ARFGEF1: variants seen among roughly 807,000 people sequenced by gnomAD.
ARFGEF1 encodes the protein ARF guanine nucleotide exchange factor 1.
ARFGEF1 carries 42 observed loss-of-function variants against 231.0 expected under a neutral mutation model. The observed-to-expected ratio is 0.18, with a 90% confidence interval of 0.14 to 0.24. The LOEUF is 0.24. Ranked by LOEUF, ARFGEF1 falls within the 10% of genes least tolerant of loss-of-function variation. ARFGEF1 has a pLI of 1.00. For synonymous variants in ARFGEF1, 710 were observed against 732.3 expected (o/e 0.97, Z 0.49); for missense variants, 1,345 against 2,192.0 (o/e 0.61, Z 7.72).
At position 67,321,605 on chromosome 8, in the gene ARFGEF1, C is replaced by T. The variant is rs558554938; in HGVS notation, c.125-19139G>A. On this transcript the variant is annotated intron_variant, in intron 1 of 38. Transcript: ENST00000262215. ...CCTCCCGAGTAGCTGGGAGTACAGG[C>T]ACCCGCCACCACGCCCGGCTATTTT... 2.1e-3 allele frequency among the ~76,000 whole-genome samples: 323 copies of T among 152,230 alleles called. 1 individual carries two copies. Among genetic ancestry groups the T allele is most frequent in the African/African-American group, 7.3e-3 (303 of 41,536 alleles).
In ARFGEF1 at chr8:67,275,879, A is replaced by G. The variant is rs1805292959; in HGVS notation, c.1337+97T>C. The G allele has an allele frequency of 5.4e-6, 8 of 1,475,896 alleles. No homozygotes were observed. In the Middle Eastern group the frequency reaches 5.9e-4, roughly 108 times the overall value. 91.4% of individuals were successfully genotyped at this position (1,475,896 alleles called of 1,614,324 possible). The stretch of plus-strand genomic sequence containing the variant: ...ACCCAATTTTTTTTTATGGTTCTAT[A>G]GGACAAAAAGAACAAAAGAAAATCC... On this transcript the variant is annotated intron_variant, in intron 9 of 38. Coordinates refer to ENST00000262215, the MANE Select transcript of ARFGEF1 (RefSeq NM_006421.5).
At chr8:67,334,664 C>A (rs1242005380) in intron 1 of ARFGEF1, among the ~76,000 whole-genome samples, 1 of 152,158 alleles carries the variant, frequency 6.6e-6, no homozygotes, top group Non-Finnish European at 1.5e-5. Context: ...CCCAAATATC[C>A]ATCAACTGGT....
intron 28 of ARFGEF1, among the ~76,000 whole-genome samples, chr8:67,225,789 G>C (rs2128871023): frequency 6.6e-6 from 1 of 152,188 alleles, no homozygotes; most frequent in South Asian, 2.1e-4. Flanking sequence ...AAAGCCATTA[G>C]AAGATTAAAC....
chr8:67,292,015 G>C lies in ARFGEF1; in HGVS notation c.748C>G (p.Pro250Ala), dbSNP rs770710364. The C allele has an allele frequency of 4.3e-6, 7 of 1,613,854 alleles. No homozygotes were observed. The East Asian group carries it at 1.3e-4, about 31-fold the overall frequency. ...GATATATGATCAACAGTCTGAGGTGGCAAATATCTAAGTTGAGGTGATTCA... is the reference window on the plus strand; with the variant it reads ...GATATATGATCAACAGTCTGAGGTGCCAAATATCTAAGTTGAGGTGATTCA... ...EPESPQLRYL[P>A]PQTVDHISQE... Residue 250 changes from proline to alanine, a missense_variant, in exon 6 of 39, where the codon CCA (proline) becomes GCA (alanine). Around this residue, in one of 14 missense-constraint regions of ARFGEF1, gnomAD observed 398 missense variants for 463.2 expected, o/e 0.86. Coordinates refer to ENST00000262215, the MANE Select transcript of ARFGEF1 (RefSeq NM_006421.5).
intron 24 of ARFGEF1, 40 bp downstream of exon 24, chr8:67,228,184 C>T (rs759676677): frequency 1.9e-6 from 3 of 1,608,066 alleles, no homozygotes; most frequent in East Asian, 2.2e-5. Context: ...TTATTTTAGC[C>T]CCAAGCCAGT....
chr8:67,255,714 G>A (rs1191947594), intron 17 of ARFGEF1, among the ~76,000 whole-genome samples: 1 of 152,196 alleles, frequency 6.6e-6, no homozygotes, highest in African/African-American at 2.4e-5. Context: ...TACAGCTGCA[G>A]GCTGCATAGC....
chr8:67,279,856 T>C (rs1400890213), intron 7 of ARFGEF1, among the ~76,000 whole-genome samples: 3 of 152,196 alleles, frequency 2.0e-5, no homozygotes, highest in Admixed American at 6.5e-5. Flanking sequence ...AAGCACTTAA[T>C]ACAGTTAGTA....
intron 17 of ARFGEF1, 144 bp from the exon 18 acceptor site, chr8:67,253,766 A>C (rs1194279625): frequency 4.3e-6 from 2 of 465,768 alleles, no homozygotes; most frequent in Non-Finnish European, 3.6e-6. Flanking sequence ...TATAGATAAA[A>C]ATGAAAAAAA....
intron 1 of ARFGEF1, among the ~76,000 whole-genome samples, chr8:67,316,312 A>G (rs1284582515): frequency 6.6e-6 from 1 of 152,210 alleles, no homozygotes; most frequent in Non-Finnish European, 1.5e-5. Flanking sequence ...ATCTTGGACC[A>G]GATGGTTTCA....
intron 7 of ARFGEF1, among the ~76,000 whole-genome samples, chr8:67,284,322 C>T (rs963517610): frequency 2.0e-5 from 3 of 151,994 alleles, no homozygotes; most frequent in South Asian, 2.1e-4. Context: ...ACGCACAACC[C>T]CCTAACCCCC....
intron 6 of ARFGEF1, among the ~76,000 whole-genome samples, chr8:67,288,622 A>T (rs564062145): frequency 8.7e-4 from 132 of 152,036 alleles, no homozygotes; most frequent in Non-Finnish European, 1.6e-3. Flanking sequence ...AATCCCAGCT[A>T]CTCGGGAGGC....
intron 1 of ARFGEF1, among the ~76,000 whole-genome samples, chr8:67,342,057 G>A (rs888812583): frequency 2.0e-5 from 3 of 152,042 alleles, no homozygotes; most frequent in Non-Finnish European, 4.4e-5. Context: ...CTTAACTCTA[G>A]CATACTTTAA....
chr8:67,208,328 C>T (rs1181267920), intron 34 of ARFGEF1, among the ~76,000 whole-genome samples: 1 of 152,078 alleles, frequency 6.6e-6, no homozygotes, highest in Non-Finnish European at 1.5e-5. Flanking sequence ...AATCAAAGAG[C>T]TAGAAGAATA....
chr8:67,232,200 G>A (rs188229547), intron 23 of ARFGEF1, among the ~76,000 whole-genome samples: 1 of 151,966 alleles, frequency 6.6e-6, no homozygotes, highest in African/African-American at 2.4e-5. Context: ...GTAGGGGGTG[G>A]GAGGAAGAAA....
At chr8:67,275,702 A>G (rs940587127) in intron 9 of ARFGEF1, among the ~76,000 whole-genome samples, 9 of 152,278 alleles carry the variant, frequency 5.9e-5, no homozygotes, top group South Asian at 2.1e-4. Context: ...AGGAAATAGC[A>G]TAAGTTATCT....
chr8:67,201,936 G>A (rs951426534), intron 36 of ARFGEF1: 1 of 308,082 alleles, frequency 3.2e-6, no homozygotes, highest in Non-Finnish European at 6.1e-6. Flanking sequence ...CCCAGGAGGT[G>A]AGAACTGCTC....
At chr8:67,263,148 T>C (rs1294991152) in intron 14 of ARFGEF1, among the ~76,000 whole-genome samples, 1 of 152,136 alleles carries the variant, frequency 6.6e-6, no homozygotes, top group Non-Finnish European at 1.5e-5. Context: ...ATTTTTAGAG[T>C]CTATTTCCTC....
chr8:67,311,424 A>G (rs1414080873), intron 1 of ARFGEF1, among the ~76,000 whole-genome samples: 4 of 103,770 alleles, frequency 3.9e-5, no homozygotes, highest in East Asian at 3.2e-4. Flanking sequence ...GTGGGGGGTC[A>G]GCCCCCCGCC....
At chr8:67,244,702 A>T (rs573008957) in intron 19 of ARFGEF1, among the ~76,000 whole-genome samples, 19 of 150,450 alleles carry the variant, frequency 1.3e-4, no homozygotes, top group African/African-American at 4.7e-4. Context: ...ACAAAAGAAA[A>T]AAGAATGAAG....
Sources: allele counts gnomAD v4.1 joint callset (sites outside exome capture counted in the v4.1 genomes callset), GRCh38; gene constraint gnomAD v4.1.1; regional missense constraint gnomAD v4.1.1; transcripts MANE v1.5; gene names NCBI Gene and HGNC (gene_info 2026-07-23, HGNC 2026-07-21).